NAV3: variants seen among roughly 807,000 people sequenced by gnomAD.
NAV3 encodes pore membrane and/or filament interacting like protein 1.
In NAV3, 87 loss-of-function variants were observed where a neutral mutation model predicts 244.7. The ratio of observed to expected loss-of-function variants is 0.36; its 90% CI spans 0.30 to 0.42. The LOEUF (loss-of-function observed/expected upper bound fraction) is 0.42. Among genes scored for constraint, NAV3 ranks in the 20% least tolerant of loss-of-function variants. The pLI, the probability that NAV3 is intolerant of heterozygous loss-of-function variation, is 1.00. For missense variants in NAV3, 2,663 were observed against 2,893.3 expected (o/e 0.92, Z 1.83); for synonymous variants, 1,126 against 1,042.2 (o/e 1.08, Z -1.55).
At chr12:78,132,117 A>G (rs1956191015) in intron 18 of NAV3, among the ~76,000 whole-genome samples, 1 of 152,176 alleles carries the variant, frequency 6.6e-6, no homozygotes, top group Non-Finnish European at 1.5e-5. Context: ...ATGGCAACTG[A>G]AGCTAACATG....
At chr12:77,669,928 C>A (rs925537237) in intron 2 of NAV3, among the ~76,000 whole-genome samples, 15 of 151,614 alleles carry the variant, frequency 9.9e-5, no homozygotes, top group African/African-American at 3.6e-4. Context: ...CCAAAGCCAG[C>A]AGAAGAAAAG....
chr12:77,769,414 A>G (rs1592665331), intron 2 of NAV3, among the ~76,000 whole-genome samples: 1 of 152,248 alleles, frequency 6.6e-6, no homozygotes, highest in South Asian at 2.1e-4. Context: ...AATCTGTCAG[A>G]AGCATTTTCT....
chr12:77,580,338 G>T (rs1237120672), intron 2 of NAV3, among the ~76,000 whole-genome samples: 4 of 151,944 alleles, frequency 2.6e-5, no homozygotes, highest in Non-Finnish European at 5.9e-5. Flanking sequence ...CTGTGGGTCT[G>T]GTCATTCTTC....
intron 2 of NAV3, among the ~76,000 whole-genome samples, chr12:77,724,343 C>T (rs1876780426): frequency 6.6e-6 from 1 of 151,846 alleles, no homozygotes; most frequent in Non-Finnish European, 1.5e-5. Context: ...AATAAATTAA[C>T]TCAAAGATGT....
At chr12:77,838,544 A>T (rs1424696151) in intron 1 of NAV3, among the ~76,000 whole-genome samples, 3 of 152,186 alleles carry the variant, frequency 2.0e-5, no homozygotes, top group Non-Finnish European at 4.4e-5. Flanking sequence ...AATTTGCCGA[A>T]CACATTCTTC....
chr12:77,691,551 A>C (rs1875032704), intron 2 of NAV3, among the ~76,000 whole-genome samples: 1 of 151,174 alleles, frequency 6.6e-6, no homozygotes, highest in Non-Finnish European at 1.5e-5. Context: ...ATAATGAAAG[A>C]ATGATATGAA....
At position 78,205,049 on chromosome 12, in the gene NAV3, G is replaced by A. The variant is rs1292476746; in HGVS notation, c.6949G>A (p.Glu2317Lys). The A allele has an allele frequency of 5.0e-6, 8 of 1,613,542 alleles. No individual in the cohort carries two copies. Among genetic ancestry groups the A allele is most frequent in the Non-Finnish European group, 6.8e-6 (8 of 1,179,754 alleles). The change falls in exon 39 of 40, where the codon GAA becomes AAA. Residue 2317 changes from glutamate to lysine, a missense_variant. Glu to Lys is a moderately conservative substitution (Grantham distance 56). This residue lies in a region of NAV3 where 543 missense variants were observed against 672.4 expected (regional missense o/e 0.81). Coordinates refer to ENST00000397909, the MANE Select transcript of NAV3 (RefSeq NM_001024383.2). ...CCCAGCCTTACTTCAGCTGCGACCA[G>A]AAGATGTTGGGTATGAAAGCTGCAC... ...ESPALLQLRP[E>K]DVGYESCTST...
chr12:78,030,657 T>C (rs975509159), intron 9 of NAV3, among the ~76,000 whole-genome samples: 1 of 151,996 alleles, frequency 6.6e-6, no homozygotes, highest in Admixed American at 6.6e-5. Context: ...ATCTCAAAAT[T>C]TGGGAAAACA....
chr12:77,754,990 G>A (rs1186344236), intron 2 of NAV3, among the ~76,000 whole-genome samples: 1 of 152,126 alleles, frequency 6.6e-6, no homozygotes, highest in African/African-American at 2.4e-5. Context: ...ATGATATTCT[G>A]AATAATTTTT....
intron 3 of NAV3, among the ~76,000 whole-genome samples, chr12:77,965,690 C>T (rs571057620): frequency 6.6e-6 from 1 of 152,176 alleles, no homozygotes; most frequent in African/African-American, 2.4e-5. Flanking sequence ...AAACAAAATA[C>T]CTGTATTTAA....
chr12:77,850,117 CATAAT>C (rs1351931361), intron 1 of NAV3, among the ~76,000 whole-genome samples: 41 of 152,210 alleles, frequency 2.7e-4, no homozygotes, highest in African/African-American at 9.9e-4. Flanking sequence ...ATTCAAGACT[CATAAT>C]ATTATGGAAA....
rs746787732 is a variant in NAV3 at position 78,185,694 on chromosome 12, C to T, written c.5786C>T (p.Ala1929Val). 2 of 1,606,798 alleles carry T rather than the reference C, an allele frequency of 1.2e-6. No individual in the cohort carries two copies. The highest frequency in any genetic ancestry group is 1.7e-6 in the Non-Finnish European group (2 of 1,176,272). The change falls in exon 31 of 40, where the codon GCA becomes GTA. Residue 1929 changes from alanine (A) to valine (V), a missense_variant. This residue lies in a region of NAV3 where 543 missense variants were observed against 672.4 expected (regional missense o/e 0.81). Coordinates refer to ENST00000397909, the MANE Select transcript of NAV3 (RefSeq NM_001024383.2). ...IVSISKGYGRAKDQKSQAYLI... is the reference protein window; with the variant it reads ...IVSISKGYGRVKDQKSQAYLI... ...TCCATAAGCAAGGGCTATGGTCGAG[C>T]AAAGGTACTTCTTTAATCTTAAACT...
chr12:77,825,259 T>C (rs1053514739), intron 2 of NAV3, among the ~76,000 whole-genome samples: 1 of 151,966 alleles, frequency 6.6e-6, no homozygotes, highest in African/African-American at 2.4e-5. Context: ...CAGATAAAAA[T>C]TTGCATCTAA....
intron 7 of NAV3, among the ~76,000 whole-genome samples, chr12:78,003,788 C>T (rs1873734316): frequency 1.3e-5 from 2 of 152,212 alleles, no homozygotes; most frequent in African/African-American, 4.8e-5. Context: ...GACATTAGTT[C>T]TGTGAATTTA....
chr12:78,179,592 A>C lies in NAV3; in HGVS notation c.5427A>C (p.Glu1809Asp). ...IILQLKSELR[E>D]KELKLTDIRL... ...TGCAGCTGAAGAGCGAGCTCAGAGA[A>C]AAGGAATTAAAATTAACGGATATTC... The change falls in exon 29 of 40, where the codon GAA becomes GAC. Residue 1809 changes from glutamate (E) to aspartate (D), a missense_variant. Physicochemically the swap from Glu to Asp is conservative, Grantham distance 45. Around this residue, in one of 6 missense-constraint regions of NAV3, gnomAD observed 193 missense variants for 200.7 expected, o/e 0.96. Coordinates refer to ENST00000397909, the MANE Select transcript of NAV3 (RefSeq NM_001024383.2). The C allele has an allele frequency of 6.2e-7, 1 of 1,613,408 alleles. No individual in the cohort carries two copies. The highest frequency in any genetic ancestry group is 2.2e-5 in the East Asian group (1 of 44,798).
chr12:78,076,049 T>A (rs1019237629), intron 12 of NAV3, among the ~76,000 whole-genome samples: 4 of 152,192 alleles, frequency 2.6e-5, no homozygotes, highest in African/African-American at 9.6e-5. Context: ...GAATTCCCAA[T>A]GCACTTTTTC....
At chr12:77,727,601 A>C (rs1186708565) in intron 2 of NAV3, among the ~76,000 whole-genome samples, 2 of 151,998 alleles carry the variant, frequency 1.3e-5, no homozygotes, top group Non-Finnish European at 2.9e-5. Flanking sequence ...AATGGCCAAG[A>C]GGCATGGAGC....
intron 12 of NAV3, among the ~76,000 whole-genome samples, chr12:78,098,259 T>C (rs974653316): frequency 6.6e-6 from 1 of 152,016 alleles, no homozygotes; most frequent in Non-Finnish European, 1.5e-5. Flanking sequence ...AATTTAAATA[T>C]AAAAATGTTT....
At chr12:77,742,634 C>T (rs1868359253) in intron 2 of NAV3, among the ~76,000 whole-genome samples, 1 of 151,904 alleles carries the variant, frequency 6.6e-6, no homozygotes, top group Non-Finnish European at 1.5e-5. Flanking sequence ...TGTATCAAAA[C>T]TTGTGCACAC....
Sources: gnomAD v4.1 joint callset for allele counts (sites outside exome capture counted in the v4.1 genomes callset) on GRCh38, gnomAD v4.1.1 for gene constraint, gnomAD v4.1.1 regional missense constraint, MANE v1.5 for transcripts, NCBI Gene and HGNC (gene_info 2026-07-23, HGNC 2026-07-21) for gene names.